Variants in MACROD1 observed in about 807,000 individuals in gnomAD.
The protein encoded by MACROD1 is mono-ADP ribosylhydrolase 1.
MACROD1 carries 31 observed loss-of-function variants against 41.4 expected under a neutral mutation model. The ratio of observed to expected loss-of-function variants is 0.75; its 90% CI spans 0.56 to 1.01. The LOEUF (loss-of-function observed/expected upper bound fraction) is 1.01. Among genes scored for constraint, MACROD1 ranks in the 50% least tolerant of loss-of-function variants. MACROD1 has a pLI of 0.00. For synonymous variants in MACROD1, 252 were observed against 203.4 expected (o/e 1.24, Z -2.03); for missense variants, 473 against 460.0 (o/e 1.03, Z -0.26).
At chr11:64,097,154 GA>G in intron 3 of MACROD1, among the ~76,000 whole-genome samples, 1 of 152,224 alleles carries the variant, frequency 6.6e-6, no homozygotes, top group Non-Finnish European at 1.5e-5. Flanking sequence ...TTCAGCTAGG[GA>G]ACCCTCCCCC....
chr11:64,010,096 TGTTGGTTGGGGG>T (rs1942978949), intron 4 of MACROD1, among the ~76,000 whole-genome samples: 3 of 116,714 alleles, frequency 2.6e-5, no homozygotes, highest in South Asian at 3.1e-4. Context: ...TTGGTTGGGG[TGTTGGTTGGGGG>T]GTTGGCTGGG....
chr11:64,005,662 AT>A (rs887549218), intron 4 of MACROD1, among the ~76,000 whole-genome samples: 8 of 152,206 alleles, frequency 5.3e-5, no homozygotes, highest in African/African-American at 1.9e-4. Context: ...TGGGGGCTGT[AT>A]GGGAGGATCC....
chr11:64,027,365 T>C (rs1590812079), intron 3 of MACROD1, among the ~76,000 whole-genome samples: 3 of 152,160 alleles, frequency 2.0e-5, no homozygotes, highest in African/African-American at 7.2e-5. Context: ...GAGGTGGTCC[T>C]GGAGGCAGGG....
chr11:64,063,458 C>A (rs973561594), intron 3 of MACROD1, among the ~76,000 whole-genome samples: 1 of 152,144 alleles, frequency 6.6e-6, no homozygotes, highest in African/African-American at 2.4e-5. Context: ...GCGAATTGTG[C>A]TTTTCTTGAA....
intron 3 of MACROD1, among the ~76,000 whole-genome samples, chr11:64,069,659 C>T (rs1944069729): frequency 6.6e-6 from 1 of 152,088 alleles, no homozygotes; most frequent in Non-Finnish European, 1.5e-5. Context: ...GGGGAGGCAG[C>T]CCCTCCATGG....
chr11:64,117,533 C>T (rs746675943), intron 3 of MACROD1: 29 of 1,602,610 alleles, frequency 1.8e-5, no homozygotes, highest in African/African-American at 6.7e-5. Flanking sequence ...TGCGCCTCCC[C>T]GACTCCAACA....
intron 3 of MACROD1, among the ~76,000 whole-genome samples, chr11:64,031,205 G>T (rs560008336): frequency 2.0e-5 from 3 of 152,142 alleles, no homozygotes; most frequent in Admixed American, 2.0e-4. Context: ...AGTCCTGGGG[G>T]TTGCTGACTT....
At chr11:64,157,958 C>T (rs917964514) in intron 1 of MACROD1, among the ~76,000 whole-genome samples, 1 of 152,198 alleles carries the variant, frequency 6.6e-6, no homozygotes, top group African/African-American at 2.4e-5. Flanking sequence ...GAGCACGCAG[C>T]ACCTTGGAGC....
chr11:64,028,360 C>T (rs1049217778), intron 3 of MACROD1, among the ~76,000 whole-genome samples: 1 of 152,242 alleles, frequency 6.6e-6, no homozygotes, highest in African/African-American at 2.4e-5. Context: ...GCCTTAGGGC[C>T]CCCCTGGCCT....
At chr11:64,017,716 G>A (rs575295351) in intron 3 of MACROD1, among the ~76,000 whole-genome samples, 1 of 152,098 alleles carries the variant, frequency 6.6e-6, no homozygotes, top group Non-Finnish European at 1.5e-5. Flanking sequence ...TCTCGGTCCA[G>A]CTCCAGGCCC....
rs1177402882 is a variant in MACROD1 at position 64,067,205 on chromosome 11, C to T, written c.518-51924G>A. Among the ~76,000 whole-genome samples, 1 of 152,076 alleles carries T rather than the reference C, an allele frequency of 6.6e-6. No homozygotes were observed. The highest frequency in any genetic ancestry group is 1.5e-5 in the Non-Finnish European group (1 of 68,002). On this transcript the variant is annotated intron_variant, in intron 3 of 10. Transcript: ENST00000255681. This position sits in a 1 kb window ranked among gnomAD's most constrained non-coding sequence, Gnocchi z 4.6. Reference sequence around the variant, plus strand: ...GGCACATGCGGCTCCAAGGAGATGGCAGATGGGAGGGGTGGGGAGAGGCCT... The same window carrying T: ...GGCACATGCGGCTCCAAGGAGATGGTAGATGGGAGGGGTGGGGAGAGGCCT...
At chr11:64,007,059 TA>T (rs1317042649) in intron 4 of MACROD1, among the ~76,000 whole-genome samples, 1 of 152,124 alleles carries the variant, frequency 6.6e-6, no homozygotes, top group Non-Finnish European at 1.5e-5. Context: ...GTACATGGAA[TA>T]AAATCCTCAA....
At chr11:64,113,536 G>A (rs1026875918) in intron 3 of MACROD1, among the ~76,000 whole-genome samples, 3 of 149,366 alleles carry the variant, frequency 2.0e-5, no homozygotes, top group African/African-American at 5.0e-5. Flanking sequence ...ATAGACAGGT[G>A]GATGCATGGA....
intron 3 of MACROD1, among the ~76,000 whole-genome samples, chr11:64,076,644 G>GGC (rs1283066252): frequency 3.9e-5 from 6 of 152,206 alleles, no homozygotes; most frequent in Admixed American, 3.9e-4. Context: ...AGGAAGCTGA[G>GGC]GCACAGAGAG....
At chr11:64,124,599 G>A (rs111952708) in intron 3 of MACROD1, among the ~76,000 whole-genome samples, 1 of 152,082 alleles carries the variant, frequency 6.6e-6, no homozygotes, top group East Asian at 1.9e-4. Flanking sequence ...AATTCCAAAA[G>A]TGGGGGTCAG....
intron 3 of MACROD1, among the ~76,000 whole-genome samples, chr11:64,150,189 G>GT (rs1410693542): frequency 6.6e-5 from 10 of 152,222 alleles, no homozygotes; most frequent in Non-Finnish European, 1.5e-4. Context: ...GCGGCCGAGT[G>GT]AACTCCCCTC....
At chr11:64,098,231 G>A (rs1944612426) in intron 3 of MACROD1, among the ~76,000 whole-genome samples, 2 of 152,164 alleles carry the variant, frequency 1.3e-5, no homozygotes, top group African/African-American at 4.8e-5. Context: ...CAAAGACCAG[G>A]CCCCTCAGTG....
chr11:64,142,991 G>T (rs561025847), intron 3 of MACROD1, among the ~76,000 whole-genome samples: 1 of 151,996 alleles, frequency 6.6e-6, no homozygotes, highest in Non-Finnish European at 1.5e-5. Flanking sequence ...TGGCATGCCT[G>T]TGGTCCCTGC....
chr11:64,099,691 G>A (rs546762549), intron 3 of MACROD1, among the ~76,000 whole-genome samples: 1 of 152,038 alleles, frequency 6.6e-6, no homozygotes, highest in Non-Finnish European at 1.5e-5. Flanking sequence ...GGGATGGATG[G>A]ATGAAGAGTT....
Sources: allele counts gnomAD v4.1 joint callset (sites outside exome capture counted in the v4.1 genomes callset), GRCh38; gene constraint gnomAD v4.1.1; non-coding constraint Gnocchi (gnomAD v3.1); transcripts MANE v1.5; gene names NCBI Gene and HGNC (gene_info 2026-07-23, HGNC 2026-07-21).